Variants in CHCHD3 observed in about 807,000 individuals in gnomAD.
The protein encoded by CHCHD3 is coiled-coil-helix-coiled-coil-helix domain containing 3.
Under a neutral mutation model 38.2 loss-of-function variants are expected in CHCHD3, and 20 were observed. The observed-to-expected ratio is 0.52, with a 90% CI of 0.37 to 0.76. The LOEUF is 0.76. Among genes scored for constraint, CHCHD3 ranks in the 30% least tolerant of loss-of-function variants. The pLI, the probability that CHCHD3 is intolerant of heterozygous loss-of-function variation, is 0.00. For synonymous variants in CHCHD3, 82 were observed against 100.0 expected (o/e 0.82, Z 1.07); for missense variants, 245 against 279.2 (o/e 0.88, Z 0.87).
At chr7:132,814,901 A>T (rs888330395) in intron 6 of CHCHD3, among the ~76,000 whole-genome samples, 5 of 152,178 alleles carry the variant, frequency 3.3e-5, no homozygotes, top group African/African-American at 1.2e-4. Flanking sequence ...AAATAGGAGG[A>T]TTATGGCCAG....
chr7:133,056,580 TAATA>T (rs987819030), intron 2 of CHCHD3, among the ~76,000 whole-genome samples: 2 of 152,170 alleles, frequency 1.3e-5, no homozygotes, highest in East Asian at 1.9e-4. Flanking sequence ...ACATAGCCAG[TAATA>T]AATAAATAAA....
chr7:132,915,747 A>G (rs1468783073), intron 4 of CHCHD3, among the ~76,000 whole-genome samples: 1 of 152,074 alleles, frequency 6.6e-6, no homozygotes, highest in Admixed American at 6.6e-5. Flanking sequence ...CTTAAGAGAG[A>G]AGATTTCCTA....
At chr7:133,051,905 A>C (rs1814179089) in intron 2 of CHCHD3, 1 of 152,226 alleles carries the variant, frequency 6.6e-6, no homozygotes, top group African/African-American at 2.4e-5. Flanking sequence ...GAATCTATCA[A>C]GGGAATCTTA....
chr7:133,014,375 G>C (rs1812965492), intron 3 of CHCHD3, among the ~76,000 whole-genome samples: 1 of 150,376 alleles, frequency 6.6e-6, no homozygotes, highest in Non-Finnish European at 1.5e-5. Context: ...GCAGCCTCAA[G>C]GATTCAGATT....
At chr7:132,796,720 T>G in intron 6 of CHCHD3, 143 bp from the exon 7 acceptor site, 1 of 702,928 alleles carries the variant, frequency 1.4e-6, no homozygotes, top group East Asian at 2.7e-5. Flanking sequence ...TTCCTTAAAC[T>G]TCAAAGATAG....
At position 132,785,611 on chromosome 7, in the gene CHCHD3, T is replaced by C. The variant is rs780201450; in HGVS notation, c.*26A>G. 6.2e-7 allele frequency: 1 copy of C among 1,612,604 alleles called. No homozygotes were observed. Among genetic ancestry groups the C allele is most frequent in the Non-Finnish European group, 8.5e-7 (1 of 1,178,786 alleles). ...GTTCCATCTCTGGAATTAACGTTGA[T>C]GGTGTTTTGCTCATTCTGAAAGTTT... On this transcript the variant is annotated 3_prime_UTR_variant, in exon 8 of 8. Transcript: ENST00000262570.
intron 4 of CHCHD3, among the ~76,000 whole-genome samples, chr7:132,964,017 C>T (rs556325227): frequency 6.7e-6 from 1 of 149,690 alleles, no homozygotes; most frequent in Admixed American, 6.6e-5. Context: ...TTTTCAAACT[C>T]TATTCAGAGC....
At chr7:132,882,865 G>A (rs1809102464) in intron 5 of CHCHD3, among the ~76,000 whole-genome samples, 1 of 152,090 alleles carries the variant, frequency 6.6e-6, no homozygotes, top group African/African-American at 2.4e-5. Flanking sequence ...CTCTGATATG[G>A]TTTGGCTCTG....
At chr7:133,016,730 C>G (rs1310863850) in intron 3 of CHCHD3, among the ~76,000 whole-genome samples, 1 of 152,226 alleles carries the variant, frequency 6.6e-6, no homozygotes, top group Non-Finnish European at 1.5e-5. Flanking sequence ...GGGACTCTCT[C>G]TGAATATTCT....
chr7:132,860,136 G>A (rs1808446006), intron 5 of CHCHD3, among the ~76,000 whole-genome samples: 1 of 152,046 alleles, frequency 6.6e-6, no homozygotes, highest in Non-Finnish European at 1.5e-5. Context: ...AGCCAGGGGT[G>A]ATGGCGCGCA....
chr7:133,010,147 T>C (rs1439802866), intron 3 of CHCHD3, among the ~76,000 whole-genome samples: 1 of 152,152 alleles, frequency 6.6e-6, no homozygotes, highest in Non-Finnish European at 1.5e-5. Context: ...ATGCTGCCTG[T>C]TGTCAGGTCA....
chr7:132,802,665 C>T (rs940227188), intron 6 of CHCHD3, among the ~76,000 whole-genome samples: 10 of 152,020 alleles, frequency 6.6e-5, no homozygotes, highest in South Asian at 2.1e-4. Flanking sequence ...GGCTACATAT[C>T]GCTAAAAAGG....
At chr7:133,004,448 G>C (rs1422470685) in intron 3 of CHCHD3, among the ~76,000 whole-genome samples, 1 of 152,208 alleles carries the variant, frequency 6.6e-6, no homozygotes, top group Non-Finnish European at 1.5e-5. Context: ...CAAAAGGTAA[G>C]TGACAGCACA....
chr7:132,969,090 G>A (rs1431488887), intron 4 of CHCHD3, among the ~76,000 whole-genome samples: 1 of 151,580 alleles, frequency 6.6e-6, no homozygotes, highest in Non-Finnish European at 1.5e-5. Flanking sequence ...TGACATTTTG[G>A]AGAAACAGTC....
Position 133,070,207 on chromosome 7 carries a change from C to T in CHCHD3, c.104G>A (p.Arg35Gln), listed in dbSNP as rs953388125. The change falls in exon 2 of 8, where the codon CGA becomes CAA. Residue 35 changes from arginine (R) to glutamine (Q), a missense_variant. Coordinates refer to ENST00000262570, the MANE Select transcript of CHCHD3 (RefSeq NM_017812.4). ...ACCAGATGGAGAGGATTCCTTCATTCGATCAATCACATTTTCCGAAAGCTG... is the reference window on the plus strand; with the variant it reads ...ACCAGATGGAGAGGATTCCTTCATTTGATCAATCACATTTTCCGAAAGCTG... ...GIRLSENVID[R>Q]MKESSPSGSK... The T allele has an allele frequency of 3.1e-6, 5 of 1,613,222 alleles. No individual in the cohort carries two copies. Among genetic ancestry groups the T allele is most frequent in the Admixed American group, 1.7e-5 (1 of 59,854 alleles).
chr7:132,962,363 T>G (rs1263255762), intron 4 of CHCHD3, among the ~76,000 whole-genome samples: 4 of 152,218 alleles, frequency 2.6e-5, no homozygotes, highest in Non-Finnish European at 5.9e-5. Context: ...ATTTAGATAT[T>G]TATTCATCAA....
At chr7:132,786,453 T>G (rs185771515) in intron 7 of CHCHD3, among the ~76,000 whole-genome samples, 1 of 152,320 alleles carries the variant, frequency 6.6e-6, no homozygotes, top group East Asian at 1.9e-4. Context: ...TATTTAGTTA[T>G]TTATTTGGGA....
intron 5 of CHCHD3, among the ~76,000 whole-genome samples, chr7:132,839,965 A>G (rs900302856): frequency 1.3e-5 from 2 of 152,226 alleles, no homozygotes; most frequent in African/African-American, 4.8e-5. Flanking sequence ...ATTTTTTATC[A>G]TTTTCAAGCA....
At chr7:132,919,272 C>T (rs1375840199) in intron 4 of CHCHD3, among the ~76,000 whole-genome samples, 4 of 151,890 alleles carry the variant, frequency 2.6e-5, no homozygotes, top group African/African-American at 7.3e-5. Context: ...GCATGCCTGG[C>T]TAATTTTTTG....
Sources: gnomAD v4.1 joint callset for allele counts (sites outside exome capture counted in the v4.1 genomes callset) on GRCh38, gnomAD v4.1.1 for gene constraint, MANE v1.5 for transcripts, NCBI Gene and HGNC (gene_info 2026-07-23, HGNC 2026-07-21) for gene names.